The following COL24A1 variants were observed in gnomAD, a reference collection of about 807,000 sequenced individuals.
COL24A1 encodes the protein collagen alpha-1(XXIV) chain.
COL24A1 carries 224 observed loss-of-function variants against 253.9 expected under a neutral mutation model. That is an observed-to-expected ratio of 0.88 (90% CI 0.79 to 0.99). The LOEUF (loss-of-function observed/expected upper bound fraction) is 0.99, where lower values mean the gene tolerates loss of function less well. COL24A1 is among the 50% of genes least tolerant of loss of function. COL24A1 has a pLI of 0.00. For synonymous variants in COL24A1, 685 were observed against 673.7 expected (o/e 1.02, Z -0.26); for missense variants, 2,131 against 2,068.5 (o/e 1.03, Z -0.59).
intron 32 of COL24A1, among the ~76,000 whole-genome samples, chr1:85,877,642 C>T (rs1370846756): frequency 6.6e-6 from 1 of 152,198 alleles, no homozygotes; most frequent in African/African-American, 2.4e-5. Flanking sequence ...GGATTACAGG[C>T]ATGAGCCACT....
At chr1:85,811,584 C>T (rs1672543866) in intron 47 of COL24A1, among the ~76,000 whole-genome samples, 1 of 152,102 alleles carries the variant, frequency 6.6e-6, no homozygotes, top group African/African-American at 2.4e-5. Flanking sequence ...AATTTCTCCA[C>T]CATCTTGCTA....
intron 55 of COL24A1, among the ~76,000 whole-genome samples, chr1:85,755,792 A>G (rs930211729): frequency 6.6e-6 from 1 of 152,108 alleles, no homozygotes; most frequent in African/African-American, 2.4e-5. Flanking sequence ...AAACTATAAA[A>G]TTATTAGAAG....
rs115238283 is a variant in COL24A1 at position 85,980,911 on chromosome 1, C to T, written c.2364+6690G>A. Among the ~76,000 whole-genome samples the T allele has an allele frequency of 6.9e-3, 1,045 of 150,802 alleles. 12 individuals are homozygous for T. The highest frequency in any genetic ancestry group is 0.025 in the African/African-American group (1,011 of 41,114). ...GTGACAGAGTGAGATTCCGAGACTC[C>T]GTCTCAAAAAAAAAAGAAATATACC... On this transcript the variant is annotated intron_variant, in intron 20 of 59. Coordinates refer to ENST00000370571, the MANE Select transcript of COL24A1 (RefSeq NM_152890.7).
intron 7 of COL24A1, among the ~76,000 whole-genome samples, chr1:86,074,712 A>T (rs1214941383): frequency 6.6e-6 from 1 of 152,162 alleles, no homozygotes; most frequent in Non-Finnish European, 1.5e-5. Context: ...TGGAAGTAAA[A>T]CACTCCTCAG....
chr1:85,966,262 T>C (rs907972484), intron 22 of COL24A1, among the ~76,000 whole-genome samples: 1 of 152,082 alleles, frequency 6.6e-6, no homozygotes, highest in Non-Finnish European at 1.5e-5. Context: ...TGAAGAAGAC[T>C]GAAAACAGGT....
intron 2 of COL24A1, among the ~76,000 whole-genome samples, chr1:86,135,073 T>G (rs948612386): frequency 1.6e-4 from 25 of 152,046 alleles, no homozygotes; most frequent in Admixed American, 9.8e-4. Context: ...TTAGCTCTTC[T>G]TGTTGAATTG....
chr1:85,999,136 G>A (rs1465585198), intron 19 of COL24A1, among the ~76,000 whole-genome samples: 1 of 152,136 alleles, frequency 6.6e-6, no homozygotes, highest in African/African-American at 2.4e-5. Flanking sequence ...GAAGCCCATG[G>A]GAAATGGCAA....
intron 43 of COL24A1, among the ~76,000 whole-genome samples, chr1:85,829,993 G>A (rs1056325159): frequency 6.6e-6 from 1 of 152,092 alleles, no homozygotes; most frequent in Non-Finnish European, 1.5e-5. Flanking sequence ...GAGGAGGAGA[G>A]GCGCTCTACT....
intron 19 of COL24A1, among the ~76,000 whole-genome samples, chr1:86,016,923 G>A (rs911137577): frequency 1.6e-4 from 25 of 152,176 alleles, no homozygotes; most frequent in African/African-American, 5.8e-4. Context: ...TAAATCAGCT[G>A]TGATCCTAAT....
At chr1:86,048,012 T>C (rs1037828458) in intron 11 of COL24A1, among the ~76,000 whole-genome samples, 2 of 152,188 alleles carry the variant, frequency 1.3e-5, no homozygotes, top group Non-Finnish European at 2.9e-5. Flanking sequence ...AAAGAGTTCA[T>C]AGGTGAGCAA....
chr1:85,964,986 G>A (rs1691419364), intron 23 of COL24A1, 23 bp downstream of exon 23: 1 of 1,589,002 alleles, frequency 6.3e-7, no homozygotes, highest in East Asian at 2.2e-5. Flanking sequence ...TTTTAAAACT[G>A]ATAATAAAGT....
At chr1:85,790,000 C>T (rs989646406) in intron 47 of COL24A1, among the ~76,000 whole-genome samples, 2 of 151,960 alleles carry the variant, frequency 1.3e-5, no homozygotes, top group Admixed American at 6.6e-5. Context: ...GGAATATTGG[C>T]CTTAAGTTTT....
intron 19 of COL24A1, among the ~76,000 whole-genome samples, chr1:86,008,232 A>G (rs1387579582): frequency 1.3e-5 from 2 of 152,122 alleles, no homozygotes; most frequent in Non-Finnish European, 2.9e-5. Context: ...TAAAACATTC[A>G]AGAAAATATT....
In COL24A1 at chr1:86,022,823, T is replaced by C; in HGVS notation, c.2148+10A>G. ...AAAAATTATTTTTATAATATTAATA[T>C]TTAAATCACCTTATCACCTTTGATT... is the stretch of plus-strand genomic sequence containing the variant. On this transcript the variant is annotated intron_variant, in intron 16 of 59. Transcript: ENST00000370571. The C allele has an allele frequency of 6.9e-7, 1 of 1,452,454 alleles. No homozygotes were observed. Among genetic ancestry groups the C allele is most frequent in the Non-Finnish European group, 9.1e-7 (1 of 1,095,378 alleles). 90.0% of individuals were successfully genotyped at this position (1,452,454 alleles called of 1,614,324 possible).
At chr1:86,047,301 T>G (rs1165573225) in intron 11 of COL24A1, among the ~76,000 whole-genome samples, 1 of 152,166 alleles carries the variant, frequency 6.6e-6, no homozygotes, top group African/African-American at 2.4e-5. Flanking sequence ...TGCAATCATA[T>G]AGGAAATAAG....
At chr1:85,758,109 T>C (rs1057096313) in intron 55 of COL24A1, among the ~76,000 whole-genome samples, 1 of 152,140 alleles carries the variant, frequency 6.6e-6, no homozygotes, top group Admixed American at 6.6e-5. Context: ...GAAGAGCAGA[T>C]CTAGTCTAGG....
chr1:86,056,232 T>C (rs778776466), intron 10 of COL24A1, among the ~76,000 whole-genome samples: 1 of 152,148 alleles, frequency 6.6e-6, no homozygotes, highest in Non-Finnish European at 1.5e-5. Context: ...TAATAAAAAG[T>C]ACATGACTTT....
chr1:85,945,273 C>G (rs1274609001), intron 24 of COL24A1, among the ~76,000 whole-genome samples: 1 of 151,578 alleles, frequency 6.6e-6, no homozygotes, highest in Non-Finnish European at 1.5e-5. Context: ...CACCTCCCGG[C>G]CTCCCAAAGT....
At chr1:85,890,319 A>G (rs903581874) in intron 31 of COL24A1, among the ~76,000 whole-genome samples, 3 of 152,140 alleles carry the variant, frequency 2.0e-5, no homozygotes, top group Non-Finnish European at 4.4e-5. Context: ...ACAAACCACC[A>G]AACTGTTTTC....
Sources: gnomAD v4.1 joint callset for allele counts (sites outside exome capture counted in the v4.1 genomes callset) on GRCh38, gnomAD v4.1.1 for gene constraint, MANE v1.5 for transcripts, NCBI Gene and HGNC (gene_info 2026-07-23, HGNC 2026-07-21) for gene names.